Variants in CCNH observed in about 807,000 individuals in gnomAD.
CCNH encodes cyclin-H.
A neutral mutation model predicts 41.9 loss-of-function variants in CCNH; 31 were observed. The observed-to-expected ratio is 0.74, with a 90% confidence interval of 0.56 to 1.00. CCNH has a LOEUF of 1.00. CCNH is among the 50% of genes least tolerant of loss of function. The pLI is 0.00. For missense variants in CCNH, 362 were observed against 388.4 expected (o/e 0.93, Z 0.57); for synonymous variants, 138 against 136.1 (o/e 1.01, Z -0.10).
chr5:87,404,313 A>C (rs1412500147), intron 5 of CCNH, among the ~76,000 whole-genome samples: 1 of 152,212 alleles, frequency 6.6e-6, no homozygotes. Flanking sequence ...AGGGATTATA[A>C]TCATGTAAAA....
chr5:87,402,269 C>G (rs1295429065), intron 5 of CCNH, among the ~76,000 whole-genome samples: 1 of 152,180 alleles, frequency 6.6e-6, no homozygotes, highest in Admixed American at 6.5e-5. Flanking sequence ...TTCAAACCAA[C>G]AAGACTACCA....
chr5:87,408,564 G>GT (rs1248267682), intron 3 of CCNH, among the ~76,000 whole-genome samples: 12 of 152,152 alleles, frequency 7.9e-5, no homozygotes, highest in Non-Finnish European at 8.8e-5. Flanking sequence ...TATGTACCAT[G>GT]TAAGTATGGG....
At chr5:87,343,688 C>T (rs761391031) in intron 9 of CCNH, among the ~76,000 whole-genome samples, 2 of 152,052 alleles carry the variant, frequency 1.3e-5, no homozygotes, top group Non-Finnish European at 2.9e-5. Context: ...AAAAATAAAG[C>T]TACCATATGA....
chr5:87,357,224 A>T (rs947153422), intron 9 of CCNH, among the ~76,000 whole-genome samples: 1 of 151,944 alleles, frequency 6.6e-6, no homozygotes, highest in African/African-American at 2.4e-5. Context: ...TATAACATAC[A>T]CACACATATA....
chr5:87,370,186 G>A (rs1760827172), intron 9 of CCNH, among the ~76,000 whole-genome samples: 1 of 152,140 alleles, frequency 6.6e-6, no homozygotes, highest in Non-Finnish European at 1.5e-5. Context: ...AATCCTCTCT[G>A]CATAAAGGTT....
chr5:87,389,889 A>G (rs1762364693), downstream of CCNH, among the ~76,000 whole-genome samples: 1 of 152,040 alleles, frequency 6.6e-6, no homozygotes, highest in African/African-American at 2.4e-5. Context: ...GATATAGTGC[A>G]TGGCCAAAGT....
At chr5:87,366,860 C>T (rs1000722769) in intron 9 of CCNH, among the ~76,000 whole-genome samples, 13 of 152,100 alleles carry the variant, frequency 8.5e-5, no homozygotes, top group African/African-American at 2.7e-4. Flanking sequence ...TGGCAAACCC[C>T]GTCTCTTTAA....
chr5:87,393,399 C>CTAAT (rs1554051594), downstream of CCNH: 2 of 152,104 alleles, frequency 1.3e-5, no homozygotes, highest in African/African-American at 2.4e-5. Context: ...AGGTACTATT[C>CTAAT]TAATTAATCC....
At chr5:87,364,681 T>C (rs1037567448) in intron 9 of CCNH, among the ~76,000 whole-genome samples, 3 of 152,138 alleles carry the variant, frequency 2.0e-5, no homozygotes, top group African/African-American at 4.8e-5. Context: ...TTAGTTCTAC[T>C]CTGCACCCTT....
At chr5:87,324,232 G>A (rs1167995537) in intron 9 of CCNH, among the ~76,000 whole-genome samples, 1 of 152,206 alleles carries the variant, frequency 6.6e-6, no homozygotes, top group African/African-American at 2.4e-5. Flanking sequence ...GATTGAAAAT[G>A]TGCTGTAGGT....
At chr5:87,358,922 T>C (rs1759862960) in intron 9 of CCNH, among the ~76,000 whole-genome samples, 1 of 149,800 alleles carries the variant, frequency 6.7e-6, no homozygotes, top group Non-Finnish European at 1.5e-5. Context: ...TTTCAAGTTT[T>C]TGCTCAAAAT....
downstream of CCNH, among the ~76,000 whole-genome samples, chr5:87,393,258 G>C (rs1762652212): frequency 6.6e-6 from 1 of 152,086 alleles, no homozygotes; most frequent in Admixed American, 6.6e-5. Context: ...AATTTAATTA[G>C]ATTCAGGACA....
intron 9 of CCNH, among the ~76,000 whole-genome samples, chr5:87,342,659 T>C (rs2112402587): frequency 1.3e-5 from 2 of 152,292 alleles, no homozygotes; most frequent in Admixed American, 1.3e-4. Flanking sequence ...TGGTAATAAA[T>C]GGCAACTAAT....
rs115663605 is a variant in CCNH at position 87,367,237 on chromosome 5, T to C, written c.*90+25533A>G. Among the ~76,000 whole-genome samples the C allele has an allele frequency of 5.0e-3, 760 of 152,154 alleles. 3 individuals are homozygous for C. The highest frequency in any genetic ancestry group is 7.8e-3 in the Non-Finnish European group (529 of 67,988). ...CCATATAATAGGACAAGTAGAAAAATAGGTTGATAAATTATGTATTACCAT... is the reference window on the plus strand; with the variant it reads ...CCATATAATAGGACAAGTAGAAAAACAGGTTGATAAATTATGTATTACCAT... On this transcript the variant is annotated intron_variant and NMD_transcript_variant, in intron 9 of 9. Coordinates refer to the CCNH transcript ENST00000645953.
intron 9 of CCNH, chr5:87,353,084 A>C: frequency 1.6e-6 from 2 of 1,217,892 alleles, no homozygotes; most frequent in Non-Finnish European, 2.4e-6. Flanking sequence ...CTTGGCAAGA[A>C]AGTTTACACA....
chr5:87,409,104 G>C (rs1252449076), intron 3 of CCNH, 186 bp downstream of exon 3: 3 of 382,008 alleles, frequency 7.9e-6, no homozygotes, highest in Non-Finnish European at 1.4e-5. Context: ...AATTACTGAA[G>C]TACAGGTAAA....
chr5:87,390,771 T>A, downstream of CCNH: 1 of 1,577,962 alleles, frequency 6.3e-7, no homozygotes, highest in Non-Finnish European at 8.7e-7. Context: ...AGCTTTCATT[T>A]ATTTTCATAC....
intron 9 of CCNH, among the ~76,000 whole-genome samples, chr5:87,383,122 A>G (rs1323778951): frequency 6.6e-6 from 1 of 152,010 alleles, no homozygotes. Context: ...AGGAAAAAAG[A>G]AAACCTTTCC....
chr5:87,374,761 A>G, downstream of CCNH: 4 of 1,570,272 alleles, frequency 2.5e-6, no homozygotes, highest in South Asian at 4.6e-5. Flanking sequence ...TAGGGGGTTT[A>G]TTTGATACTA....
Sources: allele counts gnomAD v4.1 joint callset (sites outside exome capture counted in the v4.1 genomes callset), GRCh38; gene constraint gnomAD v4.1.1; transcripts MANE v1.5; gene names NCBI Gene and HGNC (gene_info 2026-07-23, HGNC 2026-07-21).